LMLN: variants seen among roughly 807,000 people sequenced by gnomAD.
LMLN encodes the protein leishmanolysin like peptidase.
In LMLN, 70 loss-of-function variants were observed where a neutral mutation model predicts 92.3. That is an observed-to-expected ratio of 0.76 (90% CI 0.63 to 0.92). The LOEUF (loss-of-function observed/expected upper bound fraction) is 0.92, where lower values mean the gene tolerates loss of function less well. Among genes scored for constraint, LMLN ranks in the 40% least tolerant of loss-of-function variants. LMLN has a pLI of 0.00. For missense variants in LMLN, 691 were observed against 814.6 expected, an observed-to-expected ratio of 0.85 and a Z score of 1.85; for synonymous variants, 308 against 296.2, an observed-to-expected ratio of 1.04 and a Z score of -0.41.
intron 14 of LMLN, among the ~76,000 whole-genome samples, chr3:198,026,099 T>C (rs1392899012): frequency 1.3e-5 from 2 of 151,854 alleles, no homozygotes; most frequent in Non-Finnish European, 2.9e-5. Flanking sequence ...GGACTACAGG[T>C]GCACACCACC....
chr3:198,030,797 G>A (rs1723057850), intron 14 of LMLN, among the ~76,000 whole-genome samples: 1 of 152,166 alleles, frequency 6.6e-6, no homozygotes, highest in Non-Finnish European at 1.5e-5. Context: ...AGTATGTGAC[G>A]GAGAACAATG....
chr3:198,035,483 C>A (rs1359630481), intron 14 of LMLN, among the ~76,000 whole-genome samples: 1 of 151,090 alleles, frequency 6.6e-6, no homozygotes, highest in African/African-American at 2.4e-5. Flanking sequence ...CTGCCTCAGC[C>A]TCCTGAGTAG....
chr3:198,002,377 G>A (rs1560146172), intron 11 of LMLN, among the ~76,000 whole-genome samples: 2 of 152,072 alleles, frequency 1.3e-5, no homozygotes, highest in South Asian at 4.2e-4. Context: ...ATGGTCAACC[G>A]CCTCAGCCTC....
intron 9 of LMLN, chr3:197,994,689 C>T (rs1721968987): frequency 6.6e-6 from 1 of 152,052 alleles, no homozygotes; most frequent in South Asian, 2.1e-4. Flanking sequence ...CATGCAAATT[C>T]ATGAAGCATT....
chr3:198,019,375 A>G lies in LMLN; in HGVS notation c.1355A>G (p.Gln452Arg), dbSNP rs1380832860. 6.2e-7 allele frequency: 1 copy of G among 1,613,530 alleles called. No individual in the cohort carries two copies. The highest frequency in any genetic ancestry group is 1.1e-5 in the South Asian group (1 of 90,946). ...CAGAAGTTCCCTAAGCCTTTACCACAGGAATACCAGGTAGAACAGGGCTGG... is the reference window on the plus strand; with the variant it reads ...CAGAAGTTCCCTAAGCCTTTACCACGGGAATACCAGGTAGAACAGGGCTGG... The change falls in exon 12 of 16, where the codon CAG becomes CGG. Residue 452 changes from glutamine (Q) to arginine (R), a missense_variant. By Grantham distance (43) the Gln-to-Arg change is conservative. Coordinates refer to ENST00000330198, the Ensembl canonical transcript of LMLN. This position sits in a 1 kb window ranked among gnomAD's most constrained non-coding sequence, Gnocchi z 5.5.
At chr3:197,976,900 T>C (rs1388425771) in intron 5 of LMLN, among the ~76,000 whole-genome samples, 185 bp downstream of exon 5, 1 of 152,220 alleles carries the variant, frequency 6.6e-6, no homozygotes, top group Admixed American at 6.5e-5. Flanking sequence ...GTATTTTCTT[T>C]CTTCACTCCT....
At chr3:197,990,897 C>T (rs1721848329) in intron 9 of LMLN, among the ~76,000 whole-genome samples, 1 of 152,122 alleles carries the variant, frequency 6.6e-6, no homozygotes, top group Non-Finnish European at 1.5e-5. Flanking sequence ...GTGCTTTAGG[C>T]CAGTGCCTCC....
At chr3:197,971,944 C>CTTTTTTT (rs756710031) in intron 1 of LMLN, among the ~76,000 whole-genome samples, 46 of 81,164 alleles carry the variant, frequency 5.7e-4, no homozygotes, top group African/African-American at 8.9e-4. Flanking sequence ...AGTCTCTGTT[C>CTTTTTTT]TTTTTTTTTT....
At chr3:198,029,831 A>C (rs1560156591) in intron 14 of LMLN, among the ~76,000 whole-genome samples, 1 of 150,576 alleles carries the variant, frequency 6.6e-6, no homozygotes, top group Admixed American at 6.6e-5. Context: ...TTGCTTTCTT[A>C]TTTTTTTTTA....
chr3:197,999,229 G>T (rs754179935), intron 10 of LMLN, 37 bp from the exon 11 acceptor site: 1 of 1,444,526 alleles, frequency 6.9e-7, no homozygotes, highest in South Asian at 1.1e-5. Flanking sequence ...GAGTTGCAGA[G>T]AATCTAGTCT....
At chr3:198,014,758 C>T (rs544757735) in intron 11 of LMLN, among the ~76,000 whole-genome samples, 2,083 of 133,176 alleles carry the variant, frequency 0.016, 25 homozygotes, top group Middle Eastern at 0.038. Flanking sequence ...GACTTCTCTC[C>T]ACCCTTCAGA....
At chr3:198,000,594 ATT>A (rs1437016004) in intron 11 of LMLN, among the ~76,000 whole-genome samples, 1 of 151,942 alleles carries the variant, frequency 6.6e-6, no homozygotes, top group Admixed American at 6.6e-5. Context: ...CACCCAGCTA[ATT>A]TTTGTATTTT....
intron 15 of LMLN, 58 bp downstream of exon 16, chr3:198,036,101 TATA>T (rs1723228932): frequency 6.8e-7 from 1 of 1,466,798 alleles, no homozygotes; most frequent in Admixed American, 1.7e-5. Context: ...GAACTTCTCT[TATA>T]AAATGTTGGC....
chr3:197,983,666 C>G (rs1412050035), intron 6 of LMLN, among the ~76,000 whole-genome samples: 1 of 152,062 alleles, frequency 6.6e-6, no homozygotes, highest in Admixed American at 6.6e-5. Flanking sequence ...GAATTTGAGC[C>G]TTTCAGTTCG....
At chr3:197,996,047 G>C (rs1341617349) in intron 9 of LMLN, 128 bp from the exon 10 acceptor site, 1 of 444,988 alleles carries the variant, frequency 2.2e-6, no homozygotes, top group Non-Finnish European at 3.9e-6. Context: ...ATTTTAAAAA[G>C]AAATTCTCCT....
At chr3:198,011,069 G>T (rs1722420300) in intron 11 of LMLN, among the ~76,000 whole-genome samples, 1 of 151,906 alleles carries the variant, frequency 6.6e-6, no homozygotes, top group Non-Finnish European at 1.5e-5. Context: ...TTTTAAATTT[G>T]TTCAGGTTTG....
intron 15 of LMLN, among the ~76,000 whole-genome samples, chr3:198,037,859 G>T (rs1723275557): frequency 6.6e-6 from 1 of 152,210 alleles, no homozygotes; most frequent in African/African-American, 2.4e-5. Flanking sequence ...AAGTCTGATT[G>T]ATTGGTGATA....
At chr3:197,967,449 G>A (rs150854971) in intron 1 of LMLN, among the ~76,000 whole-genome samples, 19 of 152,320 alleles carry the variant, frequency 1.2e-4, no homozygotes, top group East Asian at 5.8e-4. Context: ...GGGGGTGTAC[G>A]AAGAGGGAGT....
chr3:197,984,082 C>A, intron 7 of LMLN, 34 bp downstream of exon 7: 1 of 1,330,052 alleles, frequency 7.5e-7, no homozygotes, highest in Non-Finnish European at 1.1e-6. Flanking sequence ...TTCCTTCATG[C>A]CTTGATTTTC....
Sources: allele counts gnomAD v4.1 joint callset (sites outside exome capture counted in the v4.1 genomes callset), GRCh38; gene constraint gnomAD v4.1.1; non-coding constraint Gnocchi (gnomAD v3.1); transcripts MANE v1.5; gene names NCBI Gene and HGNC (gene_info 2026-07-23, HGNC 2026-07-21).